Variants in CNTF observed in about 807,000 individuals in gnomAD.
CNTF encodes ciliary neurotrophic factor, also known as Ciliary Neuronotrophic Factor.
A neutral mutation model predicts 13.0 loss-of-function variants in CNTF; 14 were observed. That is an observed-to-expected ratio of 1.07 (90% CI 0.71 to 1.68). The LOEUF is 1.68. Ranked by LOEUF, CNTF falls within the 40% of genes most tolerant of loss-of-function variation. The probability of loss-of-function intolerance (pLI) is 0.00; values close to 1 mark genes in which losing one functional copy is unlikely to be tolerated. For synonymous variants in CNTF, 98 were observed against 92.4 expected (o/e 1.06, Z -0.35); for missense variants, 283 against 252.5 (o/e 1.12, Z -0.82).
Position 58,624,750 on chromosome 11 carries a change from T to G in CNTF, c.*228T>G. On this transcript the variant is annotated 3_prime_UTR_variant, in exon 2 of 2. Transcript: ENST00000361987. Reference sequence around the variant, plus strand: ...ACAAGTTTAGCCTGGGGGGTGTGATTTGTGTGCGTGCTTGCATGTGCTGCA... The same window carrying G: ...ACAAGTTTAGCCTGGGGGGTGTGATGTGTGTGCGTGCTTGCATGTGCTGCA... 6.0e-6 allele frequency: 3 copies of G among 501,370 alleles called. No homozygotes were observed. The highest frequency in any genetic ancestry group is 1.1e-5 in the Non-Finnish European group (3 of 278,386). 31.1% of individuals were successfully genotyped at this position (501,370 alleles called of 1,614,324 possible). A position where few individuals can be genotyped will look rare whatever the true frequency, so the allele number is the denominator to read the frequency against.
At chr11:58,622,934 G>A (rs1000789397) in intron 1 of CNTF, 68 bp downstream of exon 1, 17 of 1,056,290 alleles carry the variant, frequency 1.6e-5, no homozygotes, top group East Asian at 1.0e-4. Flanking sequence ...TTACCATCAC[G>A]CATCAGCTCC....
intron 1 of CNTF, 136 bp downstream of exon 1, chr11:58,623,002 G>A: frequency 1.4e-6 from 1 of 735,180 alleles, no homozygotes; most frequent in East Asian, 2.7e-5. Flanking sequence ...TTTGACATGG[G>A]CCCTTCCCTT....
Position 58,623,126 on chromosome 11 carries a change from G to T in CNTF, c.114+260G>T, listed in dbSNP as rs377742127. Among the ~76,000 whole-genome samples, 9 of 152,226 alleles carry T rather than the reference G, an allele frequency of 5.9e-5. No homozygotes were observed. The East Asian group carries it at 1.5e-3, about 26-fold the overall frequency. On this transcript the variant is annotated intron_variant, in intron 1 of 1. Transcript: ENST00000361987. Reference sequence around the variant, plus strand: ...AAGGATTGGTTTATATGTCTTGGAGGCTATTCCAAATTTATTGGCATATAT... The same window carrying T: ...AAGGATTGGTTTATATGTCTTGGAGTCTATTCCAAATTTATTGGCATATAT...
intron 1 of CNTF, among the ~76,000 whole-genome samples, chr11:58,623,753 G>A (rs1452790810): frequency 1.3e-5 from 2 of 152,216 alleles, no homozygotes; most frequent in African/African-American, 4.8e-5. Context: ...AAGTGAGAAG[G>A]AAAAATTCTT....
chr11:58,622,931 C>A, intron 1 of CNTF, 65 bp downstream of exon 1: 1 of 1,074,830 alleles, frequency 9.3e-7, no homozygotes, highest in Non-Finnish European at 1.4e-6. Flanking sequence ...AACTTACCAT[C>A]ACGCATCAGC....
chr11:58,624,480 A>T lies in CNTF; in HGVS notation c.561A>T (p.Pro187=). 6.2e-7 allele frequency: 1 copy of T among 1,614,068 alleles called. No homozygotes were observed. Among genetic ancestry groups the T allele is most frequent in the Non-Finnish European group, 8.5e-7 (1 of 1,179,972 alleles). ...RFISSHQTGI[P]ARGSHYIANN... ...TTTCTTCTCATCAGACTGGGATCCC[A>T]GCACGTGGGAGCCATTATATTGCTA... Residue 187 remains proline, a synonymous_variant, in exon 2 of 2, where the codon CCA becomes CCT. Transcript: ENST00000361987.
intron 1 of CNTF, among the ~76,000 whole-genome samples, chr11:58,623,180 T>C (rs1269662439): frequency 6.6e-6 from 1 of 152,230 alleles, no homozygotes; most frequent in Non-Finnish European, 1.5e-5. Flanking sequence ...AGATTAGCCA[T>C]GGGCCCTCTG....
rs1470817141 is a variant in CNTF at position 58,622,784 on chromosome 11, C to G, written c.32C>G (p.Pro11Arg). The change falls in exon 1 of 2, where the codon CCT becomes CGT. Residue 11 changes from proline (P) to arginine (R), a missense_variant. Transcript: ENST00000361987. ...TTCACAGAGCATTCACCGCTGACCCCTCACCGTCGGGACCTCTGTAGCCGC... is the reference window on the plus strand; with the variant it reads ...TTCACAGAGCATTCACCGCTGACCCGTCACCGTCGGGACCTCTGTAGCCGC... MAFTEHSPLT[P>R]HRRDLCSRSI... The G allele has an allele frequency of 1.2e-5, 20 of 1,613,844 alleles. No individual in the cohort carries two copies. The highest frequency in any genetic ancestry group is 5.0e-5 in the Admixed American group (3 of 59,988).
At position 58,624,533 on chromosome 11, in the gene CNTF, C is replaced by T. The variant is rs1330140940; in HGVS notation, c.*11C>T. 6.2e-7 allele frequency: 1 copy of T among 1,612,842 alleles called. No individual in the cohort carries two copies. On this transcript the variant is annotated 3_prime_UTR_variant, in exon 2 of 2. Transcript: ENST00000361987. ...AACAAGAAAATGTAGCAGTTAGTCC[C>T]TTCTCTCTTCCTTGCTTTCTCTTCT...
intron 1 of CNTF, among the ~76,000 whole-genome samples, 157 bp downstream of exon 1, chr11:58,623,023 A>G (rs1368222240): frequency 6.6e-6 from 1 of 152,204 alleles, no homozygotes; most frequent in African/African-American, 2.4e-5. Flanking sequence ...GAGGAAACCC[A>G]TGTGACTTTA....
At chr11:58,622,889 A>G (rs1268124252) in intron 1 of CNTF, 23 bp downstream of exon 1, 3 of 1,549,516 alleles carry the variant, frequency 1.9e-6, no homozygotes, top group South Asian at 2.3e-5. Flanking sequence ...TTTTGCTGTT[A>G]TCTGTTTTCC....
Position 58,624,093 on chromosome 11 carries a change from G to A in CNTF, c.174G>A (p.Val58=), listed in dbSNP as rs1466435976. Residue 58 remains valine, a synonymous_variant, in exon 2 of 2, where the codon GTG becomes GTA. Coordinates refer to ENST00000361987, the MANE Select transcript of CNTF (RefSeq NM_000614.4). ...INLDSADGMP[V]ASTDQWSELT... The stretch of plus-strand genomic sequence containing the variant: ...TGGACTCTGCGGATGGGATGCCAGT[G>A]GCAAGCACTGATCAGTGGAGTGAGC... 13 of 1,611,780 alleles carry A rather than the reference G, an allele frequency of 8.1e-6. No homozygotes were observed. The highest frequency in any genetic ancestry group is 1.7e-5 in the Admixed American group (1 of 59,864).
At chr11:58,623,472 G>C (rs1229721817) in intron 1 of CNTF, among the ~76,000 whole-genome samples, 2 of 152,150 alleles carry the variant, frequency 1.3e-5, no homozygotes, top group East Asian at 3.9e-4. Context: ...AACAGTAAGG[G>C]GATCCCCATC....
Position 58,623,779 on chromosome 11 carries a change from A to G in CNTF, c.115-255A>G, listed in dbSNP as rs117203816. Among the ~76,000 whole-genome samples the G allele has an allele frequency of 1.2e-3, 187 of 152,316 alleles. 1 individual carries two copies. Among genetic ancestry groups the G allele is most frequent in the Non-Finnish European group, 2.1e-3 (144 of 68,024 alleles). On this transcript the variant is annotated intron_variant, in intron 1 of 1. Coordinates refer to ENST00000361987, the MANE Select transcript of CNTF (RefSeq NM_000614.4). Reference sequence around the variant, plus strand: ...AAAAATTCTTCTAAATCAGTTTTCAACCTTTAGAACTCAATAAAATCTGAA... The same window carrying G: ...AAAAATTCTTCTAAATCAGTTTTCAGCCTTTAGAACTCAATAAAATCTGAA...
rs1410405001 is a variant in CNTF at position 58,622,797 on chromosome 11, C to T, written c.45C>T (p.Asp15=). 1 of 1,613,902 alleles carries T rather than the reference C, an allele frequency of 6.2e-7. No homozygotes were observed. The highest frequency in any genetic ancestry group is 8.5e-7 in the Non-Finnish European group (1 of 1,179,948). The change falls in exon 1 of 2, where the codon GAC becomes GAT. Residue 15 remains aspartate, a synonymous_variant. Transcript: ENST00000361987. The part of the protein sequence containing the change: ...EHSPLTPHRR[D]LCSRSIWLAR... ...CACCGCTGACCCCTCACCGTCGGGACCTCTGTAGCCGCTCTATCTGGCTAG... is the reference window on the plus strand; with the variant it reads ...CACCGCTGACCCCTCACCGTCGGGATCTCTGTAGCCGCTCTATCTGGCTAG...
intron 1 of CNTF, among the ~76,000 whole-genome samples, chr11:58,623,239 GT>G (rs1432240684): frequency 6.6e-6 from 1 of 152,168 alleles, no homozygotes; most frequent in Non-Finnish European, 1.5e-5. Flanking sequence ...TAAATGAAAG[GT>G]TTATGGGATA....
rs556767716 is a variant in CNTF, at chr11:58,623,991, G to A, written c.115-43G>A. On this transcript the variant is annotated intron_variant, in intron 1 of 1. Transcript: ENST00000361987. ...TTTAGGGGTGATTTAAGGACACTGG[G>A]GTGATGACAGAAGATGTGGTGTTTT... The A allele has an allele frequency of 3.1e-6, 5 of 1,600,104 alleles. No homozygotes were observed. In the African/African-American group the frequency reaches 4.0e-5, roughly 13 times the overall value.
intron 1 of CNTF, 125 bp from the exon 2 acceptor site, chr11:58,623,904 CATATT>C: frequency 8.0e-7 from 1 of 1,251,958 alleles, no homozygotes; most frequent in East Asian, 2.3e-5. Context: ...CTACTGTAGA[CATATT>C]ATTTACTTTA....
rs1038726595 is a variant in CNTF at position 58,624,713 on chromosome 11, A to C, written c.*191A>C. 1.6e-6 allele frequency: 1 copy of C among 610,018 alleles called. No individual in the cohort carries two copies. The highest frequency in any genetic ancestry group is 2.8e-6 in the Non-Finnish European group (1 of 356,822). The allele number at this position is 610,018 out of a possible 1,614,324, so 37.8% of individuals were successfully genotyped here. ...TCATCAAGTAGCGTTGGAGACATACACAAATGGGCATACAAGTTTAGCCTG... is the reference window on the plus strand; with the variant it reads ...TCATCAAGTAGCGTTGGAGACATACCCAAATGGGCATACAAGTTTAGCCTG... On this transcript the variant is annotated 3_prime_UTR_variant, in exon 2 of 2. Coordinates refer to ENST00000361987, the MANE Select transcript of CNTF (RefSeq NM_000614.4).
Sources: gnomAD v4.1 joint callset for allele counts (sites outside exome capture counted in the v4.1 genomes callset) on GRCh38, gnomAD v4.1.1 for gene constraint, MANE v1.5 for transcripts, NCBI Gene and HGNC (gene_info 2026-07-23, HGNC 2026-07-21) for gene names.